The following CHSY3 variants were observed in gnomAD, a reference collection of about 807,000 sequenced individuals.
CHSY3 encodes the protein N-acetylgalactosaminyl-proteoglycan 3-beta-glucuronosyltransferase 3.
A neutral mutation model predicts 67.2 loss-of-function variants in CHSY3; 35 were observed. That is an observed-to-expected ratio of 0.52 (90% CI 0.40 to 0.69). CHSY3 has a LOEUF of 0.69. Among genes scored for constraint, CHSY3 ranks in the 30% least tolerant of loss-of-function variants. The pLI is 0.00. For synonymous variants in CHSY3, 474 were observed against 434.7 expected, an observed-to-expected ratio of 1.09 and a Z score of -1.12; for missense variants, 1,069 against 1,138.5, an observed-to-expected ratio of 0.94 and a Z score of 0.88.
chr5:130,065,009 C>T (rs1431546362), intron 2 of CHSY3, among the ~76,000 whole-genome samples: 2 of 152,244 alleles, frequency 1.3e-5, no homozygotes, highest in Admixed American at 6.5e-5. Flanking sequence ...TTTCATTACC[C>T]TGTGTCATTG....
intron 2 of CHSY3, among the ~76,000 whole-genome samples, chr5:130,012,383 G>A (rs148668637): frequency 3.8e-4 from 58 of 152,338 alleles, no homozygotes; most frequent in Admixed American, 7.8e-4. Flanking sequence ...TGGGTAGCTG[G>A]TTAGCCATTT....
At chr5:130,155,299 C>T (rs1482118002) in intron 2 of CHSY3, among the ~76,000 whole-genome samples, 3 of 152,116 alleles carry the variant, frequency 2.0e-5, no homozygotes, top group Non-Finnish European at 2.9e-5. Context: ...TAAAAGAAGG[C>T]CCTTTGATTT....
chr5:130,106,757 A>C (rs1024369889), intron 2 of CHSY3, among the ~76,000 whole-genome samples: 1 of 151,560 alleles, frequency 6.6e-6, no homozygotes, highest in African/African-American at 2.4e-5. Context: ...CTGTTCTAGA[A>C]GTCATTATAC....
chr5:130,147,480 CT>C (rs1268062710), intron 2 of CHSY3, among the ~76,000 whole-genome samples: 2 of 152,136 alleles, frequency 1.3e-5, no homozygotes, highest in African/African-American at 4.8e-5. Context: ...AATGACGTTC[CT>C]TTTATGAACT....
chr5:130,159,689 C>A (rs1580789515), intron 2 of CHSY3, among the ~76,000 whole-genome samples: 2 of 152,178 alleles, frequency 1.3e-5, no homozygotes, highest in Non-Finnish European at 2.9e-5. Context: ...TACCTTTAAG[C>A]AAATTAGCAT....
chr5:129,943,063 G>A (rs6884372), intron 2 of CHSY3, among the ~76,000 whole-genome samples: 80,552 of 151,864 alleles, frequency 0.53, 21,453 homozygotes, highest in Middle Eastern at 0.63. Context: ...ATTCTGCATC[G>A]TTTTTATGAT....
chr5:129,990,712 T>C (rs1008043991), intron 2 of CHSY3, among the ~76,000 whole-genome samples: 1 of 152,186 alleles, frequency 6.6e-6, no homozygotes, highest in East Asian at 1.9e-4. Context: ...TCTTAGTTAA[T>C]TTTTCACTTT....
intron 2 of CHSY3, among the ~76,000 whole-genome samples, chr5:129,968,677 G>C (rs1762536324): frequency 6.6e-6 from 1 of 151,814 alleles, no homozygotes; most frequent in Non-Finnish European, 1.5e-5. Context: ...AAGCAAATGG[G>C]AACCAACAGT....
chr5:130,176,501 C>A (rs1770055988), intron 2 of CHSY3, among the ~76,000 whole-genome samples: 1 of 152,094 alleles, frequency 6.6e-6, no homozygotes, highest in Non-Finnish European at 1.5e-5. Context: ...GGGTATATAC[C>A]CAAAGGATTT....
intron 2 of CHSY3, among the ~76,000 whole-genome samples, chr5:130,010,294 A>G (rs1388993772): frequency 6.6e-6 from 1 of 152,224 alleles, no homozygotes; most frequent in Non-Finnish European, 1.5e-5. Flanking sequence ...CTTGGACCAC[A>G]GTGCAACAAA....
At chr5:130,060,910 A>G (rs1416022143) in intron 2 of CHSY3, among the ~76,000 whole-genome samples, 1 of 152,170 alleles carries the variant, frequency 6.6e-6, no homozygotes, top group African/African-American at 2.4e-5. Context: ...GAAAGAAATC[A>G]TAGATAACAC....
intron 2 of CHSY3, among the ~76,000 whole-genome samples, chr5:129,920,802 C>T (rs1354603418): frequency 6.6e-6 from 1 of 151,654 alleles, no homozygotes; most frequent in Non-Finnish European, 1.5e-5. Flanking sequence ...ACCTTAGCAA[C>T]CCCACCATAA....
chr5:130,028,480 C>A, intron 2 of CHSY3, among the ~76,000 whole-genome samples: 1 of 152,066 alleles, frequency 6.6e-6, no homozygotes, highest in Admixed American at 6.6e-5. Flanking sequence ...AACTGGATCC[C>A]TTCCTTACAC....
At chr5:129,947,441 T>C (rs144242800) in intron 2 of CHSY3, among the ~76,000 whole-genome samples, 1,703 of 152,014 alleles carry the variant, frequency 0.011, 39 homozygotes, top group African/African-American at 0.038. Context: ...CTGGCCAACA[T>C]GGTGAAACCC....
chr5:130,049,386 G>C (rs1191162900), intron 2 of CHSY3, among the ~76,000 whole-genome samples: 3 of 152,106 alleles, frequency 2.0e-5, no homozygotes, highest in Non-Finnish European at 4.4e-5. Context: ...TCTTATGAAA[G>C]AAAATTTATT....
At chr5:129,922,746 G>T (rs544558234) in intron 2 of CHSY3, among the ~76,000 whole-genome samples, 1 of 152,120 alleles carries the variant, frequency 6.6e-6, no homozygotes, top group South Asian at 2.1e-4. Context: ...TCTCTTACTA[G>T]ATATGTGGTT....
intron 2 of CHSY3, among the ~76,000 whole-genome samples, chr5:130,069,662 A>T (rs1053450990): frequency 4.6e-5 from 7 of 152,120 alleles, no homozygotes; most frequent in Middle Eastern, 3.4e-3. Flanking sequence ...ATATTATATC[A>T]TATATGATTT....
intron 2 of CHSY3, among the ~76,000 whole-genome samples, chr5:130,023,759 C>T (rs1207303660): frequency 6.6e-6 from 1 of 151,900 alleles, no homozygotes; most frequent in Non-Finnish European, 1.5e-5. Flanking sequence ...GTAACACCCT[C>T]CACCCTTTTC....
intron 2 of CHSY3, among the ~76,000 whole-genome samples, chr5:130,142,573 A>G (rs77812887): frequency 0.045 from 6,902 of 152,304 alleles, 430 homozygotes; most frequent in East Asian, 0.27. Flanking sequence ...TTTCATTTTT[A>G]TTATTGTTGT....
Sources: allele counts gnomAD v4.1 joint callset (sites outside exome capture counted in the v4.1 genomes callset), GRCh38; gene constraint gnomAD v4.1.1; transcripts MANE v1.5; gene names NCBI Gene and HGNC (gene_info 2026-07-23, HGNC 2026-07-21).